Variants in RNGTT observed in about 807,000 individuals in gnomAD.
RNGTT encodes RNA guanylyltransferase and 5'-phosphatase, also known as mRNA-capping enzyme.
Under a neutral mutation model 79.3 loss-of-function variants are expected in RNGTT, and 33 were observed. That is an observed-to-expected ratio of 0.42 (90% CI 0.32 to 0.56). The LOEUF (loss-of-function observed/expected upper bound fraction) is 0.56, where lower values mean the gene tolerates loss of function less well. Among genes scored for constraint, RNGTT ranks in the 20% least tolerant of loss-of-function variants. The pLI, the probability that RNGTT is intolerant of heterozygous loss-of-function variation, is 0.17. For synonymous variants in RNGTT, 222 were observed against 235.9 expected (o/e 0.94, Z 0.54); for missense variants, 497 against 739.1 (o/e 0.67, Z 3.80).
intron 12 of RNGTT, among the ~76,000 whole-genome samples, chr6:88,789,982 A>G (rs904111140): frequency 6.6e-6 from 1 of 152,218 alleles, no homozygotes; most frequent in Non-Finnish European, 1.5e-5. Context: ...TGGTAGACTA[A>G]ACATGTATTT....
chr6:88,734,748 G>A (rs571830446), intron 13 of RNGTT, among the ~76,000 whole-genome samples: 7 of 152,244 alleles, frequency 4.6e-5, no homozygotes, highest in African/African-American at 1.7e-4. Flanking sequence ...GCATTCAGCA[G>A]AAAGTATACT....
intron 11 of RNGTT, among the ~76,000 whole-genome samples, chr6:88,810,476 G>A (rs1291378009): frequency 6.6e-6 from 1 of 152,180 alleles, no homozygotes; most frequent in Non-Finnish European, 1.5e-5. Flanking sequence ...ATTGGGAAGT[G>A]TATTCAGCAA....
intron 14 of RNGTT, among the ~76,000 whole-genome samples, chr6:88,639,963 A>G (rs752641318): frequency 3.3e-5 from 5 of 152,170 alleles, no homozygotes; most frequent in Admixed American, 2.6e-4. Flanking sequence ...AATGACTTCA[A>G]TCAGGGAGGC....
At chr6:88,681,859 T>C (rs1358030812) in intron 13 of RNGTT, among the ~76,000 whole-genome samples, 2 of 152,184 alleles carry the variant, frequency 1.3e-5, no homozygotes, top group African/African-American at 2.4e-5. Flanking sequence ...AATACTTCTA[T>C]ACTGTGGCTA....
chr6:88,958,098 G>T (rs1421378728), intron 1 of RNGTT, among the ~76,000 whole-genome samples: 2 of 152,154 alleles, frequency 1.3e-5, no homozygotes, highest in African/African-American at 4.8e-5. Context: ...ACTGATCTTT[G>T]ACAAAGCAAA....
chr6:88,787,937 C>T (rs1275147845), intron 12 of RNGTT, among the ~76,000 whole-genome samples: 1 of 152,146 alleles, frequency 6.6e-6, no homozygotes, highest in Admixed American at 6.5e-5. Context: ...GGTGGAAATG[C>T]TGGAAAAGAA....
chr6:88,797,941 C>CAA (rs143559265), intron 12 of RNGTT, among the ~76,000 whole-genome samples: 2,200 of 65,702 alleles, frequency 0.033, 71 homozygotes, highest in African/African-American at 0.1. Flanking sequence ...AAGCAAAAGC[C>CAA]AAAAAAAAAA....
chr6:88,801,108 CAA>C (rs1779768010), intron 12 of RNGTT, among the ~76,000 whole-genome samples: 1 of 152,112 alleles, frequency 6.6e-6, no homozygotes, highest in South Asian at 2.1e-4. Context: ...AAAAAATATT[CAA>C]AAGTTTTATT....
chr6:88,829,721 A>AAAAAAAAAAAAC (rs1554221603), intron 11 of RNGTT, among the ~76,000 whole-genome samples: 4 of 115,584 alleles, frequency 3.5e-5, no homozygotes, highest in Admixed American at 8.8e-5. Flanking sequence ...AAAAAAAAAA[A>AAAAAAAAAAAAC]AAACCAGGGG....
chr6:88,901,592 C>T (rs1194090872), intron 6 of RNGTT, among the ~76,000 whole-genome samples: 2 of 148,896 alleles, frequency 1.3e-5, no homozygotes, highest in South Asian at 2.1e-4. Context: ...CTGCAACCTC[C>T]GCCTCCCGGG....
intron 2 of RNGTT, among the ~76,000 whole-genome samples, chr6:88,932,641 C>G (rs1252443001): frequency 6.6e-6 from 1 of 152,114 alleles, no homozygotes; most frequent in Non-Finnish European, 1.5e-5. Context: ...AGAAAAGAAC[C>G]TACGTTGAAA....
At chr6:88,771,017 T>C (rs1325521523) in intron 12 of RNGTT, among the ~76,000 whole-genome samples, 1 of 152,106 alleles carries the variant, frequency 6.6e-6, no homozygotes, top group East Asian at 1.9e-4. Context: ...CTTGGTTGGA[T>C]ATATGTATTA....
intron 13 of RNGTT, among the ~76,000 whole-genome samples, chr6:88,760,553 A>G (rs760437253): frequency 4.6e-5 from 7 of 152,204 alleles, no homozygotes; most frequent in Non-Finnish European, 7.3e-5. Context: ...TTATACATAA[A>G]AAAATACAAC....
intron 13 of RNGTT, among the ~76,000 whole-genome samples, chr6:88,700,333 C>T (rs1775904382): frequency 6.6e-6 from 1 of 152,152 alleles, no homozygotes; most frequent in Admixed American, 6.5e-5. Context: ...GAATGGAGAA[C>T]ATCCAATCTT....
At chr6:88,666,389 A>G (rs1774409054) in intron 14 of RNGTT, among the ~76,000 whole-genome samples, 1 of 152,236 alleles carries the variant, frequency 6.6e-6, no homozygotes, top group Non-Finnish European at 1.5e-5. Context: ...CTTAGCACCA[A>G]CTGCCCTGCT....
intron 13 of RNGTT, among the ~76,000 whole-genome samples, chr6:88,759,893 G>A (rs1013157441): frequency 6.6e-6 from 1 of 152,002 alleles, no homozygotes; most frequent in Non-Finnish European, 1.5e-5. Context: ...TTCAAAGTAG[G>A]AATTTAACTA....
intron 1 of RNGTT, among the ~76,000 whole-genome samples, chr6:88,960,404 T>C (rs376820693): frequency 1.3e-5 from 2 of 152,212 alleles, no homozygotes; most frequent in African/African-American, 4.8e-5. Flanking sequence ...ACATAGCAGA[T>C]ATGAAATAAT....
At chr6:88,749,608 T>C (rs1364292582) in intron 13 of RNGTT, among the ~76,000 whole-genome samples, 5 of 152,068 alleles carry the variant, frequency 3.3e-5, no homozygotes. Flanking sequence ...GATGAAATGC[T>C]CCATTTATGA....
chr6:88,836,056 T>C (rs1781068335), intron 11 of RNGTT, among the ~76,000 whole-genome samples: 1 of 147,706 alleles, frequency 6.8e-6, no homozygotes, highest in African/African-American at 2.5e-5. Context: ...TATATATATA[T>C]ATAAGATTTA....
Sources: gnomAD v4.1 joint callset for allele counts (sites outside exome capture counted in the v4.1 genomes callset) on GRCh38, gnomAD v4.1.1 for gene constraint, MANE v1.5 for transcripts, NCBI Gene and HGNC (gene_info 2026-07-23, HGNC 2026-07-21) for gene names.